Variants in MCTP1 observed in about 807,000 individuals in gnomAD.
MCTP1 encodes the protein multiple C2 and transmembrane domain containing 1.
A neutral mutation model predicts 120.6 loss-of-function variants in MCTP1; 69 were observed. That is an observed-to-expected ratio of 0.57 (90% confidence interval 0.47 to 0.70). The LOEUF (loss-of-function observed/expected upper bound fraction) is 0.70, where lower values mean the gene tolerates loss of function less well. MCTP1 is among the 30% of genes least tolerant of loss of function. The probability of loss-of-function intolerance (pLI) is 0.00; values close to 1 mark genes in which losing one functional copy is unlikely to be tolerated. For synonymous variants in MCTP1, 529 were observed against 493.1 expected, an observed-to-expected ratio of 1.07 and a Z score of -0.96; for missense variants, 1,203 against 1,248.8, an observed-to-expected ratio of 0.96 and a Z score of 0.55.
At chr5:94,753,589 T>G (rs994798020) in intron 19 of MCTP1, among the ~76,000 whole-genome samples, 1 of 152,240 alleles carries the variant, frequency 6.6e-6, no homozygotes, top group African/African-American at 2.4e-5. Context: ...CTGTAATAAT[T>G]ACAGTGATGC....
At chr5:95,141,340 G>C (rs750865685) in intron 1 of MCTP1, among the ~76,000 whole-genome samples, 1 of 152,180 alleles carries the variant, frequency 6.6e-6, no homozygotes, top group African/African-American at 2.4e-5. Context: ...GGTTACTCAA[G>C]ACCACAGTTT....
chr5:95,140,001 G>A (rs560263035), intron 1 of MCTP1, among the ~76,000 whole-genome samples: 1 of 152,268 alleles, frequency 6.6e-6, no homozygotes, highest in East Asian at 1.9e-4. Flanking sequence ...TCCCTGAGCT[G>A]CTCTTCCATG....
chr5:95,206,378 G>A (rs928474180), intron 1 of MCTP1, among the ~76,000 whole-genome samples: 3 of 152,100 alleles, frequency 2.0e-5, no homozygotes, highest in Admixed American at 2.0e-4. Context: ...GAGACTGAAT[G>A]GTAATGGGTA....
intron 12 of MCTP1, among the ~76,000 whole-genome samples, chr5:94,881,333 GC>G (rs1561796373): frequency 1.3e-5 from 2 of 151,844 alleles, no homozygotes; most frequent in Non-Finnish European, 2.9e-5. Context: ...GGCCCTTCCT[GC>G]CCCCCAAAGA....
chr5:94,784,528 A>C (rs897956352), intron 18 of MCTP1, among the ~76,000 whole-genome samples: 63 of 152,190 alleles, frequency 4.1e-4, no homozygotes, highest in African/African-American at 1.5e-3. Context: ...AAACTTTTGC[A>C]AACTGGTATA....
intron 2 of MCTP1, among the ~76,000 whole-genome samples, chr5:94,979,805 A>G (rs1220856067): frequency 6.6e-6 from 1 of 152,084 alleles, no homozygotes; most frequent in African/African-American, 2.4e-5. Context: ...ATTAAACCAT[A>G]ATAAGAGCAA....
intron 1 of MCTP1, among the ~76,000 whole-genome samples, chr5:95,029,451 A>C (rs563756524): frequency 6.6e-6 from 1 of 152,348 alleles, no homozygotes. Flanking sequence ...AGTTCTCCTC[A>C]GAAAGATTAA....
intron 1 of MCTP1, among the ~76,000 whole-genome samples, chr5:95,130,022 T>C (rs1276698906): frequency 6.6e-6 from 1 of 152,164 alleles, no homozygotes; most frequent in Non-Finnish European, 1.5e-5. Context: ...CTCCTGTCCT[T>C]GGACATCAGT....
intron 1 of MCTP1, among the ~76,000 whole-genome samples, chr5:95,249,103 T>C (rs113799575): frequency 0.16 from 24,072 of 151,972 alleles, 2,006 homozygotes; most frequent in Non-Finnish European, 0.19. Flanking sequence ...TAGGCATGAG[T>C]AAAGACTTCA....
At chr5:94,767,588 C>CA (rs1250215973) in intron 19 of MCTP1, among the ~76,000 whole-genome samples, 2 of 152,004 alleles carry the variant, frequency 1.3e-5, no homozygotes, top group Non-Finnish European at 2.9e-5. Context: ...AATCAACATA[C>CA]AAAAATCAGT....
In MCTP1 at chr5:94,917,985, T is replaced by A; in HGVS notation, c.1273-12A>T. On this transcript the variant is annotated splice_polypyrimidine_tract_variant and intron_variant, in intron 7 of 22. Transcript: ENST00000515393. Reference sequence around the variant, plus strand: ...GGCCTGCCGCACGTCTGGATGGAAATGAATGATCAGAGCTGTACGGGGAAG... The same window carrying A: ...GGCCTGCCGCACGTCTGGATGGAAAAGAATGATCAGAGCTGTACGGGGAAG... 6.2e-7 allele frequency: 1 copy of A among 1,611,378 alleles called. No homozygotes were observed. Among genetic ancestry groups the A allele is most frequent in the Non-Finnish European group, 8.5e-7 (1 of 1,177,488 alleles).
chr5:95,247,332 C>A (rs1034791820), intron 1 of MCTP1, among the ~76,000 whole-genome samples: 4 of 151,964 alleles, frequency 2.6e-5, no homozygotes, highest in African/African-American at 4.8e-5. Flanking sequence ...TTTATCTTTT[C>A]AAAAAACCAG....
chr5:94,723,318 CT>C (rs1284091589), intron 19 of MCTP1, among the ~76,000 whole-genome samples: 1 of 152,092 alleles, frequency 6.6e-6, no homozygotes, highest in East Asian at 1.9e-4. Flanking sequence ...AAATGGACAC[CT>C]TTTAACAAGA....
intron 1 of MCTP1, among the ~76,000 whole-genome samples, chr5:95,241,803 T>A (rs919476285): frequency 6.6e-6 from 1 of 152,166 alleles, no homozygotes; most frequent in African/African-American, 2.4e-5. Flanking sequence ...AACACCTACA[T>A]GCTACTGTAT....
intron 19 of MCTP1, among the ~76,000 whole-genome samples, chr5:94,751,350 C>T (rs76928804): frequency 4.0e-5 from 6 of 151,278 alleles, no homozygotes; most frequent in African/African-American, 1.5e-4. Context: ...AGTTTAATTT[C>T]CTTCTACAGA....
At chr5:94,793,316 C>CT (rs1171247524) in intron 18 of MCTP1, 38 of 152,132 alleles carry the variant, frequency 2.5e-4, no homozygotes, top group Admixed American at 2.2e-3. Flanking sequence ...ATCTGATTGG[C>CT]TGTTGATTCT....
intron 7 of MCTP1, among the ~76,000 whole-genome samples, chr5:94,918,779 C>T (rs527420011): frequency 3.9e-5 from 6 of 152,110 alleles, no homozygotes; most frequent in Admixed American, 6.6e-5. Context: ...TTAAATCACA[C>T]GGAAAGAAAG....
chr5:94,766,053 C>T (rs919899190), intron 19 of MCTP1, among the ~76,000 whole-genome samples: 1 of 151,968 alleles, frequency 6.6e-6, no homozygotes, highest in African/African-American at 2.4e-5. Context: ...AAGACCAGCC[C>T]AGCCAACATG....
intron 2 of MCTP1, among the ~76,000 whole-genome samples, chr5:94,958,710 A>C (rs1211639954): frequency 6.6e-6 from 1 of 152,190 alleles, no homozygotes; most frequent in Non-Finnish European, 1.5e-5. Flanking sequence ...CCCTCCCAAG[A>C]CTAAACCAGG....
Sources: allele counts gnomAD v4.1 joint callset (sites outside exome capture counted in the v4.1 genomes callset), GRCh38; gene constraint gnomAD v4.1.1; transcripts MANE v1.5; gene names NCBI Gene and HGNC (gene_info 2026-07-23, HGNC 2026-07-21).